Variants in GAN observed in about 807,000 individuals in gnomAD.
GAN encodes the protein gigaxonin.
A neutral mutation model predicts 71.3 loss-of-function variants in GAN; 48 were observed. The ratio of observed to expected loss-of-function variants is 0.67; its 90% CI spans 0.53 to 0.86. GAN has a LOEUF of 0.86. Ranked by LOEUF, GAN falls within the 40% of genes least tolerant of loss-of-function variation. GAN has a pLI of 0.00. For synonymous variants in GAN, 386 were observed against 276.8 expected (o/e 1.39, Z -3.92); for missense variants, 928 against 770.1 (o/e 1.21, Z -2.43).
chr16:81,347,911 C>G (rs1406180313), intron 1 of GAN, among the ~76,000 whole-genome samples: 2 of 151,932 alleles, frequency 1.3e-5, no homozygotes, highest in Non-Finnish European at 2.9e-5. Flanking sequence ...ATAGTCTTAT[C>G]TTTTTTGGTT....
chr16:81,351,838 A>G, intron 2 of GAN, 141 bp downstream of exon 2: 2 of 706,854 alleles, frequency 2.8e-6, no homozygotes, highest in Non-Finnish European at 5.2e-6. Flanking sequence ...GACATTTCCT[A>G]CTGGTAATGG....
intron 1 of GAN, among the ~76,000 whole-genome samples, chr16:81,334,019 C>G (rs1168655842): frequency 6.6e-6 from 1 of 152,224 alleles, no homozygotes; most frequent in Non-Finnish European, 1.5e-5. Flanking sequence ...GCCATGTTCT[C>G]TTTTCAGAAA....
rs1597414222 is a variant in GAN at position 81,377,493 on chromosome 16, A to T, written c.1691A>T (p.Asp564Val). 4 of 1,614,062 alleles carry T rather than the reference A, an allele frequency of 2.5e-6. No homozygotes were observed. Among genetic ancestry groups the T allele is most frequent in the Non-Finnish European group, 3.4e-6 (4 of 1,179,946 alleles). Residue 564 changes from aspartate to valine, a missense_variant, in exon 11 of 11, where the codon GAC becomes GTC. Asp to Val is a radical substitution (Grantham distance 152). Coordinates refer to ENST00000648994, the MANE Select transcript of GAN (RefSeq NM_022041.4). The stretch of plus-strand genomic sequence containing the variant: ...CACACTAAACCACTCCTTCCATCCG[A>T]CCTTCGCCGTACAGGATGTGCAGCC... ...WHHTKPLLPS[D>V]LRRTGCAALR...
chr16:81,330,014 T>C (rs1045366473), intron 1 of GAN, among the ~76,000 whole-genome samples: 2 of 152,178 alleles, frequency 1.3e-5, no homozygotes, highest in African/African-American at 2.4e-5. Context: ...GCAGCAGAGA[T>C]ATCATCACCT....
chr16:81,352,521 C>A (rs1450048329), intron 2 of GAN, among the ~76,000 whole-genome samples: 2 of 152,148 alleles, frequency 1.3e-5, no homozygotes, highest in Admixed American at 6.6e-5. Flanking sequence ...TTTATTCTTT[C>A]TGAGATCTTG....
In GAN at chr16:81,354,524, T is replaced by C. The variant is rs1484189222; in HGVS notation, c.402T>C (p.Cys134=). The change falls in exon 3 of 11, where the codon TGT becomes TGC. Residue 134 remains cysteine, a synonymous_variant. Transcript: ENST00000648994. ...FLEGCIAAEN[C]IGIRDFALHY... Reference sequence around the variant, plus strand: ...AAGGCTGCATTGCTGCTGAGAACTGTATTGGTATCCGTGACTTTGCACTAC... The same window carrying C: ...AAGGCTGCATTGCTGCTGAGAACTGCATTGGTATCCGTGACTTTGCACTAC... 3 of 1,613,904 alleles carry C rather than the reference T, an allele frequency of 1.9e-6. No individual in the cohort carries two copies. In the African/African-American group the frequency reaches 4.0e-5, roughly 22 times the overall value.
rs111552153 is a variant in GAN at position 81,357,749 on chromosome 16, C to T, written c.852-61C>T. Reference sequence around the variant, plus strand: ...TTTAGTAAACTAAAACTAGTGATGGCTACTTATAAAAAGAACTGTATGAAG... The same window carrying T: ...TTTAGTAAACTAAAACTAGTGATGGTTACTTATAAAAAGAACTGTATGAAG... On this transcript the variant is annotated intron_variant, in intron 4 of 10. Transcript: ENST00000648994. The T allele has an allele frequency of 6.8e-6, 10 of 1,461,668 alleles. No individual in the cohort carries two copies. In the African/African-American group the frequency reaches 6.9e-5, roughly 10 times the overall value. 90.5% of individuals were successfully genotyped at this position (1,461,668 alleles called of 1,614,324 possible).
chr16:81,341,556 A>G (rs1909943214), intron 1 of GAN, among the ~76,000 whole-genome samples: 2 of 152,358 alleles, frequency 1.3e-5, no homozygotes, highest in South Asian at 4.1e-4. Flanking sequence ...AAGGAGAAAT[A>G]AAATCCTTTA....
chr16:81,336,301 G>A (rs574549622), intron 1 of GAN, among the ~76,000 whole-genome samples: 1 of 152,276 alleles, frequency 6.6e-6, no homozygotes, highest in East Asian at 1.9e-4. Context: ...TTCTTGGATG[G>A]CAGGAACTGT....
At chr16:81,341,574 G>A (rs1036991777) in intron 1 of GAN, among the ~76,000 whole-genome samples, 1 of 152,124 alleles carries the variant, frequency 6.6e-6, no homozygotes, top group African/African-American at 2.4e-5. Flanking sequence ...TTACAGACAA[G>A]CAAATGCTGA....
chr16:81,353,231 G>T (rs1271652988), intron 2 of GAN, among the ~76,000 whole-genome samples: 1 of 149,438 alleles, frequency 6.7e-6, no homozygotes, highest in African/African-American at 2.5e-5. Context: ...GGCGGAGCCT[G>T]CAGTGAGCCG....
At chr16:81,358,031 A>C (rs976110077) in intron 5 of GAN, 100 bp downstream of exon 5, 4 of 1,031,600 alleles carry the variant, frequency 3.9e-6, no homozygotes, top group Non-Finnish European at 6.0e-6. Context: ...ATACAATTTT[A>C]TTATCTCTAC....
At chr16:81,376,636 A>G (rs570934991) in intron 9 of GAN, among the ~76,000 whole-genome samples, 7 of 16,382 alleles carry the variant, frequency 4.3e-4, no homozygotes, top group South Asian at 4.0e-3. Context: ...ACATACATAT[A>G]TGTGTGTATA....
chr16:81,364,199 T>G (rs9935709), intron 7 of GAN, among the ~76,000 whole-genome samples: 1 of 152,004 alleles, frequency 6.6e-6, no homozygotes, highest in African/African-American at 2.4e-5. Flanking sequence ...CATTTGAGTG[T>G]GCAAATGGTG....
rs893756539 is a variant in GAN at position 81,388,651 on chromosome 16, G to C, written c.*11055G>C. 6.6e-6 allele frequency: 1 copy of C among 152,462 alleles called. No individual in the cohort carries two copies. Among genetic ancestry groups the C allele is most frequent in the African/African-American group, 2.4e-5 (1 of 41,474 alleles). The allele number at this position is 152,462 out of a possible 1,614,324, so 9.4% of individuals were successfully genotyped here. ...GCTCCCGGACGTGCTCGGCCCGGTGGCCTCTTGTGTGACAGGCCCTCTGCC... is the reference window on the plus strand; with the variant it reads ...GCTCCCGGACGTGCTCGGCCCGGTGCCCTCTTGTGTGACAGGCCCTCTGCC... On this transcript the variant is annotated 3_prime_UTR_variant, in exon 11 of 11. Transcript: ENST00000648994.
At chr16:81,338,346 G>C (rs2216770) in intron 1 of GAN, among the ~76,000 whole-genome samples, 1 of 152,120 alleles carries the variant, frequency 6.6e-6, no homozygotes, top group Admixed American at 6.6e-5. Flanking sequence ...CTGAGGTGGG[G>C]ACAGAGAACA....
At chr16:81,332,467 T>C (rs1393577169) in intron 1 of GAN, among the ~76,000 whole-genome samples, 1 of 152,252 alleles carries the variant, frequency 6.6e-6, no homozygotes, top group Non-Finnish European at 1.5e-5. Context: ...ACCTGGGATG[T>C]AGTCTTTTAC....
chr16:81,375,103 A>G (rs1335303093), intron 9 of GAN, among the ~76,000 whole-genome samples: 1 of 152,182 alleles, frequency 6.6e-6, no homozygotes. Flanking sequence ...GAAGAAAAGG[A>G]TATATTGGAA....
At position 81,377,334 on chromosome 16, in the gene GAN, A is replaced by G. The variant is rs1367195667; in HGVS notation, c.1612+6A>G. On this transcript the variant is annotated splice_donor_region_variant and intron_variant, in intron 10 of 10. Transcript: ENST00000648994. The stretch of plus-strand genomic sequence containing the variant: ...TATTGGAGATCTTGATACAGGTAAG[A>G]GTGTTACAGTGATTTTCTTGGAACT... 2.5e-6 allele frequency: 4 copies of G among 1,577,318 alleles called. No homozygotes were observed. The highest frequency in any genetic ancestry group is 2.2e-5 in the East Asian group (1 of 44,710).
Sources: allele counts gnomAD v4.1 joint callset (sites outside exome capture counted in the v4.1 genomes callset), GRCh38; gene constraint gnomAD v4.1.1; transcripts MANE v1.5; gene names NCBI Gene and HGNC (gene_info 2026-07-23, HGNC 2026-07-21).